The following CEP250 variants were observed in gnomAD, a reference collection of about 807,000 sequenced individuals.
CEP250 encodes the protein centrosomal protein 250.
In CEP250, 242 loss-of-function variants were observed where a neutral mutation model predicts 315.7. The observed-to-expected ratio is 0.77, with a 90% CI of 0.69 to 0.85. CEP250 has a LOEUF of 0.85. Ranked by LOEUF, CEP250 falls within the 40% of genes least tolerant of loss-of-function variation. The pLI, the probability that CEP250 is intolerant of heterozygous loss-of-function variation, is 0.00. For missense variants in CEP250, 2,515 were observed against 2,886.4 expected (o/e 0.87, Z 2.95); for synonymous variants, 1,088 against 1,175.0 (o/e 0.93, Z 1.51).
intron 22 of CEP250, 63 bp from the exon 23 acceptor site, chr20:35,493,365 CA>C (rs903823805): frequency 2.5e-5 from 35 of 1,410,774 alleles, no homozygotes; most frequent in East Asian, 2.2e-4. Flanking sequence ...GCCACCCCAC[CA>C]AAAAAACCAG....
intron 1 of CEP250, among the ~76,000 whole-genome samples, chr20:35,457,305 T>C (rs760652805): frequency 6.6e-6 from 1 of 152,156 alleles, no homozygotes; most frequent in Non-Finnish European, 1.5e-5. Context: ...ACATAATAAT[T>C]AGATAGGGAC....
intron 22 of CEP250, among the ~76,000 whole-genome samples, chr20:35,492,659 A>G (rs1426947390): frequency 6.6e-6 from 1 of 152,212 alleles, no homozygotes; most frequent in Non-Finnish European, 1.5e-5. Context: ...GGTAGCCAGA[A>G]GCCCTGTGTC....
intron 20 of CEP250, among the ~76,000 whole-genome samples, chr20:35,484,562 T>C (rs554346426): frequency 2.6e-5 from 4 of 151,950 alleles, no homozygotes; most frequent in Admixed American, 2.0e-4. Context: ...ATGTCCTCCT[T>C]CTTTTTGCCT....
intron 4 of CEP250, among the ~76,000 whole-genome samples, chr20:35,463,066 A>G (rs1326184933): frequency 2.0e-5 from 3 of 152,198 alleles, no homozygotes; most frequent in Non-Finnish European, 4.4e-5. Context: ...TTATTTATTT[A>G]TTTTTGAGAC....
chr20:35,504,085 C>G lies in CEP250; in HGVS notation c.5716C>G (p.Leu1906Val). 1 of 1,608,718 alleles carries G rather than the reference C, an allele frequency of 6.2e-7. No individual in the cohort carries two copies. The highest frequency in any genetic ancestry group is 8.5e-7 in the Non-Finnish European group (1 of 1,176,774). Residue 1906 changes from leucine (L) to valine (V), a missense_variant, in exon 30 of 35, where the codon CTC becomes GTC. By Grantham distance (32) the Leu-to-Val change is conservative. Transcript: ENST00000397527. Reference protein sequence around the residue: ...SREQEKALLALQQQCAEQAQE... With the variant: ...SREQEKALLAVQQQCAEQAQE... ...GGAACAGGAGAAAGCTCTGTTGGCC[C>G]TCCAGCAGCAGTGTGCTGAGCAGGC...
chr20:35,499,905 T>C, intron 27 of CEP250, 144 bp from the exon 28 acceptor site: 1 of 962,858 alleles, frequency 1.0e-6, no homozygotes, highest in Admixed American at 2.1e-5. Context: ...TACACATGTG[T>C]TTAAAGGAAG....
At chr20:35,475,139 A>C (rs1410747826) in intron 14 of CEP250, among the ~76,000 whole-genome samples, 1 of 152,208 alleles carries the variant, frequency 6.6e-6, no homozygotes, top group Non-Finnish European at 1.5e-5. Flanking sequence ...TTGAGGCTTC[A>C]GTGAGCTAAG....
rs370916610 is a variant in CEP250, at chr20:35,503,656, C to T, written c.5287C>T (p.His1763Tyr). The change falls in exon 30 of 35, where the codon CAC becomes TAC. Residue 1763 changes from histidine to tyrosine, a missense_variant. Transcript: ENST00000397527. The surrounding 1 kb of genome is among the most constrained non-coding windows in gnomAD (Gnocchi z 4.2). ...DQLEQQLQGL[H>Y]RKVGETSLLL... ...GCTGGAGCAGCAGCTCCAGGGCCTG[C>T]ACAGGAAGGTAGGTGAGACCAGCCT... is the stretch of plus-strand genomic sequence containing the variant. 2.4e-5 allele frequency: 38 copies of T among 1,614,020 alleles called. No individual in the cohort carries two copies. The highest frequency in any genetic ancestry group is 5.5e-5 in the South Asian group (5 of 91,082).
At chr20:35,479,461 A>T in intron 18 of CEP250, 37 bp downstream of exon 18, 2 of 1,588,214 alleles carry the variant, frequency 1.3e-6, no homozygotes, top group Non-Finnish European at 1.7e-6. Flanking sequence ...GCACAGAGAG[A>T]GCTTTGCAAG....
rs141146763 is a variant in CEP250, at chr20:35,511,442, G to A, written c.7145G>A (p.Arg2382His). ...DYITRSAQTS[R>H]ELAGLHHSLS... ...ATCACCCGCTCAGCACAGACCAGCC[G>A]TGAGCTAGCAGGCCTGCACCACAGC... The change falls in exon 35 of 35, where the codon CGT becomes CAT. Residue 2382 changes from arginine to histidine, a missense_variant. Arg to His is a conservative substitution (Grantham distance 29, BLOSUM62 0). Transcript: ENST00000397527. 2.0e-5 allele frequency: 32 copies of A among 1,614,006 alleles called. No individual in the cohort carries two copies. Among genetic ancestry groups the A allele is most frequent in the African/African-American group, 4.0e-5 (3 of 74,958 alleles).
intron 33 of CEP250, 84 bp downstream of exon 33, chr20:35,509,128 G>T: frequency 2.7e-6 from 3 of 1,106,434 alleles, no homozygotes; most frequent in Admixed American, 2.1e-5. Flanking sequence ...CATATCCCGG[G>T]CCAACAGCAC....
Position 35,478,000 on chromosome 20 carries a change from G to A in CEP250, c.1993G>A (p.Glu665Lys). 2 of 1,614,054 alleles carry A rather than the reference G, an allele frequency of 1.2e-6. No individual in the cohort carries two copies. Among genetic ancestry groups the A allele is most frequent in the Non-Finnish European group, 1.7e-6 (2 of 1,179,988 alleles). The change falls in exon 17 of 35, where the codon GAG (glutamate) becomes AAG (lysine). Residue 665 changes from glutamate to lysine, a missense_variant. Transcript: ENST00000397527. ...EALWEKNTHLEAQLQKAEEAG... is the reference protein window; with the variant it reads ...EALWEKNTHLKAQLQKAEEAG... The stretch of plus-strand genomic sequence containing the variant: ...CCTGTGGGAAAAGAACACTCACCTG[G>A]AGGCTCAGCTGCAGAAAGCTGAGGA...
In CEP250 at chr20:35,477,991, A is replaced by G. The variant is rs2063222093; in HGVS notation, c.1984A>G (p.Thr662Ala). The change falls in exon 17 of 35, where the codon ACT (threonine) becomes GCT (alanine). Residue 662 changes from threonine to alanine, a missense_variant. By Grantham distance (58) the Thr-to-Ala change is moderately conservative. Transcript: ENST00000397527. ...KRREALWEKN[T>A]HLEAQLQKAE... ...GAGGGAAGCCCTGTGGGAAAAGAACACTCACCTGGAGGCTCAGCTGCAGAA... is the reference window on the plus strand; with the variant it reads ...GAGGGAAGCCCTGTGGGAAAAGAACGCTCACCTGGAGGCTCAGCTGCAGAA... 1.2e-6 allele frequency: 2 copies of G among 1,613,820 alleles called. No homozygotes were observed. Among genetic ancestry groups the G allele is most frequent in the East Asian group, 2.2e-5 (1 of 44,848 alleles).
intron 8 of CEP250, 75 bp downstream of exon 8, chr20:35,467,147 G>T: frequency 1.6e-6 from 2 of 1,215,414 alleles, no homozygotes; most frequent in Non-Finnish European, 2.4e-6. Flanking sequence ...TGCTATAGAA[G>T]CGGGATCAGC....
chr20:35,519,036 A>G lies in CEP250; in HGVS notation c.*7410A>G, dbSNP rs1390378559. The G allele has an allele frequency of 6.6e-6, 1 of 151,936 alleles. No homozygotes were observed. Among genetic ancestry groups the G allele is most frequent in the East Asian group, 1.9e-4 (1 of 5,184 alleles). 9.4% of individuals were successfully genotyped at this position (151,936 alleles called of 1,614,324 possible). A position where few individuals can be genotyped will look rare whatever the true frequency, so the allele number is the denominator to read the frequency against. On this transcript the variant is annotated 3_prime_UTR_variant, in exon 35 of 35. Transcript: ENST00000397527. ...TGGCAGAGCAAGACTCCGTCTCAAA[A>G]AAAAAAAAAATACGAAAAACAAAAA...
chr20:35,491,198 CT>C lies in CEP250; in HGVS notation c.2755-13del. 1 of 1,610,502 alleles carries C rather than the reference CT, an allele frequency of 6.2e-7. No individual in the cohort carries two copies. The highest frequency in any genetic ancestry group is 1.1e-5 in the South Asian group (1 of 90,366). On this transcript the variant is annotated splice_polypyrimidine_tract_variant and intron_variant, in intron 21 of 34. Transcript: ENST00000397527. The stretch of plus-strand genomic sequence containing the variant: ...CCTGAGCCCACAAGCTGTTACCCCC[CT>C]ACCCCTCCACAGATGCAGCTGGAAA...
chr20:35,503,231 T>G lies in CEP250; in HGVS notation c.4862T>G (p.Leu1621Arg). Residue 1621 changes from leucine (L) to arginine (R), a missense_variant, in exon 30 of 35, where the codon CTG becomes CGG. By Grantham distance (102) the Leu-to-Arg change is moderately radical (BLOSUM62 -2). Coordinates refer to ENST00000397527, the MANE Select transcript of CEP250 (RefSeq NM_007186.6). The surrounding 1 kb of genome is among the most constrained non-coding windows in gnomAD (Gnocchi z 4.2). The stretch of plus-strand genomic sequence containing the variant: ...GACCTGGAGAGCCACAGCACCGTTC[T>G]GGCAAGAGAGCTGCAGGAGAGGGAC... ...IHDLESHSTV[L>R]ARELQERDQE... The G allele has an allele frequency of 1.2e-6, 2 of 1,614,156 alleles. No homozygotes were observed. The highest frequency in any genetic ancestry group is 1.7e-6 in the Non-Finnish European group (2 of 1,180,020).
chr20:35,475,405 A>T, intron 14 of CEP250, 97 bp from the exon 15 acceptor site: 1 of 1,282,284 alleles, frequency 7.8e-7, no homozygotes, highest in Non-Finnish European at 1.1e-6. Context: ...GACCATCCTC[A>T]TTCTGTTGCA....
intron 28 of CEP250, among the ~76,000 whole-genome samples, chr20:35,500,432 C>T (rs1235430009): frequency 6.6e-6 from 1 of 152,168 alleles, no homozygotes. Flanking sequence ...GGGGTTTCAC[C>T]ATGTTCACCA....
Sources: gnomAD v4.1 joint callset for allele counts (sites outside exome capture counted in the v4.1 genomes callset) on GRCh38, gnomAD v4.1.1 for gene constraint, Gnocchi (gnomAD v3.1) non-coding constraint, MANE v1.5 for transcripts, NCBI Gene and HGNC (gene_info 2026-07-23, HGNC 2026-07-21) for gene names.